GALK2: variants seen among roughly 807,000 people sequenced by gnomAD.
GALK2 encodes the protein galactokinase 2.
In GALK2, 36 loss-of-function variants were observed where a neutral mutation model predicts 52.4. That is an observed-to-expected ratio of 0.69 (90% CI 0.53 to 0.91). The LOEUF (loss-of-function observed/expected upper bound fraction) is 0.91. GALK2 is among the 40% of genes least tolerant of loss of function. The pLI, the probability that GALK2 is intolerant of heterozygous loss-of-function variation, is 0.00. For missense variants in GALK2, 579 were observed against 559.1 expected, an observed-to-expected ratio of 1.04 and a Z score of -0.36; for synonymous variants, 176 against 199.1, an observed-to-expected ratio of 0.88 and a Z score of 0.98.
intron 1 of GALK2, among the ~76,000 whole-genome samples, chr15:49,172,353 T>C (rs2085161334): frequency 6.6e-6 from 1 of 152,218 alleles, no homozygotes; most frequent in South Asian, 2.1e-4. Flanking sequence ...TCATAGTAGA[T>C]AAGCTCTGCC....
At chr15:49,287,405 C>G (rs892170522) in intron 7 of GALK2, among the ~76,000 whole-genome samples, 3 of 152,022 alleles carry the variant, frequency 2.0e-5, no homozygotes, top group African/African-American at 7.2e-5. Flanking sequence ...AGGTTTTATA[C>G]AAAAGGGAAA....
At chr15:49,170,179 CT>C, upstream of GALK2, 1 of 1,469,374 alleles carries the variant, frequency 6.8e-7, no homozygotes, top group Non-Finnish European at 9.0e-7. Flanking sequence ...AAGCAGCCAC[CT>C]CAGCGAAGCT....
chr15:49,220,492 A>G (rs879519346), intron 3 of GALK2, among the ~76,000 whole-genome samples: 3 of 152,118 alleles, frequency 2.0e-5, no homozygotes, highest in Non-Finnish European at 4.4e-5. Context: ...GTTGGTGGGC[A>G]CTTAGGTTGA....
At chr15:49,356,338 C>CA (rs1330553823) in intron 3 of GALK2, among the ~76,000 whole-genome samples, 1 of 150,162 alleles carries the variant, frequency 6.7e-6, no homozygotes, top group African/African-American at 2.4e-5. Context: ...TCAGGAAACC[C>CA]ATCTCATGTG....
chr15:49,233,349 T>A (rs2090612765), intron 3 of GALK2, among the ~76,000 whole-genome samples: 1 of 152,180 alleles, frequency 6.6e-6, no homozygotes, highest in African/African-American at 2.4e-5. Flanking sequence ...TCCACCCCCA[T>A]GATCCAGTCA....
intron 3 of GALK2, among the ~76,000 whole-genome samples, chr15:49,345,901 G>A (rs1596344252): frequency 6.6e-6 from 1 of 152,302 alleles, no homozygotes; most frequent in East Asian, 1.9e-4. Flanking sequence ...GCCTTTGAGA[G>A]ATTGAGTGTG....
intron 5 of GALK2, among the ~76,000 whole-genome samples, chr15:49,276,477 T>G (rs16962259): frequency 0.06 from 9,179 of 152,310 alleles, 552 homozygotes; most frequent in African/African-American, 0.15. Context: ...TTGATAATGT[T>G]CTTTTGATAG....
rs1243252144 is a variant in GALK2 at position 49,286,032 on chromosome 15, GC to G, written c.756+2317del. Among the ~76,000 whole-genome samples the G allele has an allele frequency of 1.2e-4, 19 of 152,116 alleles. No homozygotes were observed. The South Asian group carries it at 1.5e-3, about 12-fold the overall frequency. ...ACCTGCCCAGGACATTCTTCCTTCA[GC>G]CCTCTTTGAAGTCTTAGTCTAAATG... On this transcript the variant is annotated intron_variant, in intron 7 of 9. Transcript: ENST00000560031.
chr15:49,269,432 C>T (rs1450981873), intron 5 of GALK2, among the ~76,000 whole-genome samples: 1 of 152,100 alleles, frequency 6.6e-6, no homozygotes, highest in Non-Finnish European at 1.5e-5. Flanking sequence ...CAAGAACCCA[C>T]ATTTTGGAAG....
Position 49,263,529 on chromosome 15 carries a change from C to T in GALK2, c.505-18458C>T, listed in dbSNP as rs1164802947. Among the ~76,000 whole-genome samples, 9 of 99,254 alleles carry T rather than the reference C, an allele frequency of 9.1e-5. No homozygotes were observed. The East Asian group carries it at 1.6e-3, about 18-fold the overall frequency. The allele number at this position is 99,254 out of a possible 152,430, so 65.1% of individuals were successfully genotyped here. ...GGGTCTTGACTCTTTATCCAATTTG[C>T]CAGTCTGTGTCTTTTAATTGGAGCA... On this transcript the variant is annotated intron_variant, in intron 5 of 9. Coordinates refer to ENST00000560031, the MANE Select transcript of GALK2 (RefSeq NM_002044.4).
intron 1 of GALK2, among the ~76,000 whole-genome samples, chr15:49,189,934 A>T (rs2086609325): frequency 6.6e-6 from 1 of 152,178 alleles, no homozygotes; most frequent in South Asian, 2.1e-4. Context: ...ACCACAAATA[A>T]GGGTGGACTG....
chr15:49,247,957 G>A (rs2091430766), intron 5 of GALK2, among the ~76,000 whole-genome samples: 1 of 152,194 alleles, frequency 6.6e-6, no homozygotes, highest in East Asian at 1.9e-4. Context: ...TGTTTTTGAA[G>A]TTTGAAACCT....
chr15:49,335,509 T>G, downstream of GALK2: 1 of 1,599,016 alleles, frequency 6.3e-7, no homozygotes, highest in Non-Finnish European at 8.6e-7. Context: ...GCTAGGCTTA[T>G]TATTAAGGAA....
intron 9 of GALK2, among the ~76,000 whole-genome samples, chr15:49,322,344 T>C (rs1319329124): frequency 6.6e-6 from 1 of 152,248 alleles, no homozygotes; most frequent in African/African-American, 2.4e-5. Context: ...TCGATAACCA[T>C]ATAGGGTCCA....
chr15:49,307,239 G>C (rs2035617658), intron 8 of GALK2, among the ~76,000 whole-genome samples: 1 of 152,150 alleles, frequency 6.6e-6, no homozygotes, highest in Non-Finnish European at 1.5e-5. Flanking sequence ...GATGGTGCGG[G>C]GCAGGTATCT....
chr15:49,183,394 T>A (rs2086114374), intron 1 of GALK2, among the ~76,000 whole-genome samples: 1 of 152,206 alleles, frequency 6.6e-6, no homozygotes, highest in African/African-American at 2.4e-5. Flanking sequence ...ATTTTTAAAT[T>A]TTCTTCTTAA....
At chr15:49,197,256 TTA>T (rs1165001903) in intron 1 of GALK2, among the ~76,000 whole-genome samples, 4 of 152,246 alleles carry the variant, frequency 2.6e-5, no homozygotes, top group African/African-American at 9.6e-5. Flanking sequence ...CTTGTTTTAG[TTA>T]TGTGTCTAGT....
intron 5 of GALK2, among the ~76,000 whole-genome samples, chr15:49,280,518 G>A (rs558732085): frequency 1.3e-5 from 2 of 152,274 alleles, no homozygotes; most frequent in African/African-American, 4.8e-5. Context: ...AGAGCAGGCT[G>A]GAGAAGTGCA....
chr15:49,324,497 G>T (rs1387212944), intron 9 of GALK2, among the ~76,000 whole-genome samples: 1 of 151,630 alleles, frequency 6.6e-6, no homozygotes, highest in African/African-American at 2.4e-5. Flanking sequence ...GCCATTTGCA[G>T]GACCCAAACC....
Sources: gnomAD v4.1 joint callset for allele counts (sites outside exome capture counted in the v4.1 genomes callset) on GRCh38, gnomAD v4.1.1 for gene constraint, MANE v1.5 for transcripts, NCBI Gene and HGNC (gene_info 2026-07-23, HGNC 2026-07-21) for gene names.